The following CNPY1 variants were observed in gnomAD, a reference collection of about 807,000 sequenced individuals.
The protein encoded by CNPY1 is canopy FGF signaling regulator 1, also known as protein canopy homolog 1.
Under a neutral mutation model 14.4 loss-of-function variants are expected in CNPY1, and 14 were observed. The observed-to-expected ratio is 0.97, with a 90% confidence interval of 0.64 to 1.52. CNPY1 has a LOEUF of 1.52. CNPY1 is among the 40% of genes most tolerant of loss of function. The probability of loss-of-function intolerance (pLI) is 0.00; values close to 1 mark genes in which losing one functional copy is unlikely to be tolerated. For missense variants in CNPY1, 129 were observed against 131.5 expected, an observed-to-expected ratio of 0.98 and a Z score of 0.09; for synonymous variants, 43 against 46.5, an observed-to-expected ratio of 0.92 and a Z score of 0.31.
At chr7:155,538,766 G>A (rs571677812) in intron 2 of CNPY1, among the ~76,000 whole-genome samples, 1 of 152,218 alleles carries the variant, frequency 6.6e-6, no homozygotes, top group African/African-American at 2.4e-5. Context: ...TCTGAGCACC[G>A]CCATGGGCTG....
intron 2 of CNPY1, among the ~76,000 whole-genome samples, chr7:155,544,794 T>A (rs1000761475): frequency 1.3e-5 from 2 of 152,134 alleles, no homozygotes; most frequent in African/African-American, 4.8e-5. Context: ...TCTTGAAGGA[T>A]CCATCCTTGA....
At chr7:155,538,814 C>G (rs894667578) in intron 2 of CNPY1, among the ~76,000 whole-genome samples, 1 of 152,244 alleles carries the variant, frequency 6.6e-6, no homozygotes, top group South Asian at 2.1e-4. Context: ...GCCCACCCCA[C>G]TCAACTCACC....
chr7:155,534,549 C>T (rs914101849), intron 2 of CNPY1, among the ~76,000 whole-genome samples: 1 of 152,232 alleles, frequency 6.6e-6, no homozygotes, highest in Non-Finnish European at 1.5e-5. Context: ...GTGGGACTGA[C>T]CGGGAAGGCG....
intron 2 of CNPY1, among the ~76,000 whole-genome samples, chr7:155,521,750 C>A (rs1232584321): frequency 6.6e-6 from 1 of 152,172 alleles, no homozygotes; most frequent in Non-Finnish European, 1.5e-5. Flanking sequence ...CACAGCTGCG[C>A]CCACATTTGC....
At position 155,507,040 on chromosome 7, in the gene CNPY1, T is replaced by C. The variant is rs1796340260; in HGVS notation, c.380A>G (p.Lys127Arg). 6.2e-7 allele frequency: 1 copy of C among 1,611,598 alleles called. No individual in the cohort carries two copies. The highest frequency in any genetic ancestry group is 2.2e-5 in the East Asian group (1 of 44,818). Residue 127 changes from lysine (K) to arginine (R), a missense_variant, in exon 4 of 5, where the codon AAG becomes AGG. By Grantham distance (26) the Lys-to-Arg change is conservative. Coordinates refer to ENST00000636446, the MANE Select transcript of CNPY1 (RefSeq NM_001393663.1). ...AGTACCTGATTTTTCACTGCACAGC[T>C]TGTCAGCTAGATAGTGTGTCTCCTG... ...IAQETHYLAD[K>R]LCSEKSDLCE...
intron 2 of CNPY1, among the ~76,000 whole-genome samples, chr7:155,525,470 ATCTT>A (rs145610850): frequency 0.24 from 36,385 of 152,114 alleles, 5,129 homozygotes; most frequent in Admixed American, 0.31. Context: ...CACCCAGCTC[ATCTT>A]TCTTTATTCC....
At chr7:155,511,925 G>A (rs1796540443) in intron 2 of CNPY1, among the ~76,000 whole-genome samples, 1 of 152,314 alleles carries the variant, frequency 6.6e-6, no homozygotes, top group African/African-American at 2.4e-5. Flanking sequence ...CATGATTAGA[G>A]TTTAAAATGA....
intron 4 of CNPY1, among the ~76,000 whole-genome samples, chr7:155,503,677 C>G (rs1167628575): frequency 1.3e-5 from 2 of 152,164 alleles, no homozygotes; most frequent in Non-Finnish European, 1.5e-5. Flanking sequence ...AAATCTTTTA[C>G]TTTAAATGTA....
At chr7:155,527,307 C>T (rs149874754) in intron 2 of CNPY1, among the ~76,000 whole-genome samples, 22 of 151,628 alleles carry the variant, frequency 1.5e-4, no homozygotes, top group East Asian at 5.8e-4. Context: ...GGTGTCTGAG[C>T]GACTGCAGTG....
At chr7:155,509,863 G>A (rs1426952079) in intron 2 of CNPY1, among the ~76,000 whole-genome samples, 1 of 152,194 alleles carries the variant, frequency 6.6e-6, no homozygotes, top group Non-Finnish European at 1.5e-5. Flanking sequence ...CCCCGGGCGC[G>A]GGTCAAAGAG....
intron 2 of CNPY1, among the ~76,000 whole-genome samples, chr7:155,511,378 A>C (rs898958601): frequency 2.6e-5 from 4 of 152,238 alleles, no homozygotes; most frequent in Admixed American, 6.5e-5. Flanking sequence ...TGAGCATATA[A>C]GTTTTGAGCA....
chr7:155,543,342 G>A (rs894385554), intron 2 of CNPY1, among the ~76,000 whole-genome samples: 1 of 152,166 alleles, frequency 6.6e-6, no homozygotes, highest in South Asian at 2.1e-4. Flanking sequence ...GAGCTGCTGG[G>A]TGGAAGGAGG....
intron 2 of CNPY1, among the ~76,000 whole-genome samples, chr7:155,525,721 C>T (rs1796807748): frequency 6.6e-6 from 1 of 152,192 alleles, no homozygotes; most frequent in Non-Finnish European, 1.5e-5. Context: ...TGTGTCTTAT[C>T]TATGAAATAC....
chr7:155,511,502 C>T (rs1796531385), intron 2 of CNPY1, among the ~76,000 whole-genome samples: 1 of 152,132 alleles, frequency 6.6e-6, no homozygotes, highest in African/African-American at 2.4e-5. Flanking sequence ...AACTTTCTAC[C>T]TACCAGTGGA....
At chr7:155,517,675 G>A (rs1796647251) in intron 2 of CNPY1, among the ~76,000 whole-genome samples, 1 of 152,166 alleles carries the variant, frequency 6.6e-6, no homozygotes, top group Admixed American at 6.5e-5. Flanking sequence ...CCTGCAACAC[G>A]GCAAAGTGGG....
chr7:155,533,576 G>C (rs139753297), intron 2 of CNPY1, among the ~76,000 whole-genome samples: 1 of 152,194 alleles, frequency 6.6e-6, no homozygotes, highest in South Asian at 2.1e-4. Context: ...AGGGCCCGTC[G>C]CTTCGCTCCG....
intron 2 of CNPY1, among the ~76,000 whole-genome samples, chr7:155,516,131 G>A (rs1473714823): frequency 6.6e-5 from 10 of 152,144 alleles, no homozygotes; most frequent in African/African-American, 1.4e-4. Flanking sequence ...TCCAGGATTC[G>A]AAGGGAATGG....
At chr7:155,516,952 G>A (rs34610052) in intron 2 of CNPY1, among the ~76,000 whole-genome samples, 13,195 of 152,186 alleles carry the variant, frequency 0.087, 639 homozygotes, top group South Asian at 0.18. Context: ...TGGGGTCTCC[G>A]CCACCCTGGC....
rs547757058 is a variant in CNPY1 at position 155,529,175 on chromosome 7, A to G, written c.99+16656T>C. On this transcript the variant is annotated intron_variant, in intron 2 of 4. Coordinates refer to ENST00000636446, the MANE Select transcript of CNPY1 (RefSeq NM_001393663.1). ...GGAACTGGACAGTCAGCTCCCAGCG[A>G]GTAGCCAGAGGCTGGAAGTAGCTGT... 4.6e-5 allele frequency among the ~76,000 whole-genome samples: 7 copies of G among 152,296 alleles called. No homozygotes were observed. The East Asian group carries it at 1.3e-3, about 29-fold the overall frequency.
Sources: allele counts gnomAD v4.1 joint callset (sites outside exome capture counted in the v4.1 genomes callset), GRCh38; gene constraint gnomAD v4.1.1; transcripts MANE v1.5; gene names NCBI Gene and HGNC (gene_info 2026-07-23, HGNC 2026-07-21).